The following DDX23 variants were observed in gnomAD, a reference collection of about 807,000 sequenced individuals.
DDX23 encodes the protein DEAD-box helicase 23.
DDX23 carries 33 observed loss-of-function variants against 102.7 expected under a neutral mutation model. The observed-to-expected ratio is 0.32, with a 90% CI of 0.24 to 0.43. The LOEUF is 0.43. DDX23 is among the 20% of genes least tolerant of loss of function. The pLI, the probability that DDX23 is intolerant of heterozygous loss-of-function variation, is 1.00. For synonymous variants in DDX23, 352 were observed against 376.0 expected (o/e 0.94, Z 0.74); for missense variants, 549 against 1,086.6 (o/e 0.51, Z 6.96).
intron 11 of DDX23, 99 bp from the exon 12 acceptor site, chr12:48,834,596 A>G: frequency 8.9e-7 from 1 of 1,119,332 alleles, no homozygotes; most frequent in South Asian, 1.5e-5. Flanking sequence ...AGCAATGGGA[A>G]TGGGGAGGAT....
intron 3 of DDX23, among the ~76,000 whole-genome samples, chr12:48,842,839 G>T (rs1453955346): frequency 2.6e-5 from 4 of 152,250 alleles, no homozygotes; most frequent in Non-Finnish European, 5.9e-5. Context: ...GACAGTGGCG[G>T]TTTTGTGGAA....
In DDX23 at chr12:48,836,558, T is replaced by A; in HGVS notation, c.1236+11A>T. ...ATGTCAGATCTCTTGGGCCAATCTA[T>A]CCCTCCTTACCTTGTAGCCACACTT... On this transcript the variant is annotated intron_variant, in intron 10 of 16. Transcript: ENST00000308025. The surrounding 1 kb of genome is among the most constrained non-coding windows in gnomAD (Gnocchi z 6.1). 1.2e-6 allele frequency: 2 copies of A among 1,610,822 alleles called. No individual in the cohort carries two copies. Among genetic ancestry groups the A allele is most frequent in the Non-Finnish European group, 1.7e-6 (2 of 1,178,322 alleles).
At position 48,837,018 on chromosome 12, in the gene DDX23, C is replaced by T. The variant is rs778222237; in HGVS notation, c.886G>A (p.Val296Met). 2 of 1,613,884 alleles carry T rather than the reference C, an allele frequency of 1.2e-6. No homozygotes were observed. The highest frequency in any genetic ancestry group is 1.7e-5 in the Admixed American group (1 of 59,988). ...ATGAAGCCTCGCCCTAACAACTGCA[C>T]CTGGTGCCGTTCTTTGTACCTGGGA... The part of the protein sequence containing the change: ...YNPLYKERHQ[V>M]QLLGRGFIAG... The change falls in exon 9 of 17, where the codon GTG becomes ATG. Residue 296 changes from valine (V) to methionine (M), a missense_variant. By Grantham distance (21) the Val-to-Met change is conservative. Transcript: ENST00000308025.
Position 48,836,092 on chromosome 12 carries a change from C to A in DDX23, c.1382+29G>T. 1 of 1,606,892 alleles carries A rather than the reference C, an allele frequency of 6.2e-7. No individual in the cohort carries two copies. Among genetic ancestry groups the A allele is most frequent in the South Asian group, 1.1e-5 (1 of 90,830 alleles). On this transcript the variant is annotated intron_variant, in intron 11 of 16. Transcript: ENST00000308025. This position sits in a 1 kb window ranked among gnomAD's most constrained non-coding sequence, Gnocchi z 6.1. ...TTTCACCTTTCCTACCCAGACAAAC[C>A]CACTCCAGCTGGTGCTAGCTGACCT...
In DDX23 at chr12:48,832,019, G is replaced by A; in HGVS notation, c.2064+59C>T. On this transcript the variant is annotated intron_variant, in intron 15 of 16. Transcript: ENST00000308025. The surrounding 1 kb of genome is among the most constrained non-coding windows in gnomAD (Gnocchi z 4.4). ...TGAAAGGAAGAGCCTAGGGGGCCCTGCTAGATTCAGAAAGCAGTGCCACAG... is the reference window on the plus strand; with the variant it reads ...TGAAAGGAAGAGCCTAGGGGGCCCTACTAGATTCAGAAAGCAGTGCCACAG... 6.6e-7 allele frequency: 1 copy of A among 1,518,350 alleles called. No individual in the cohort carries two copies. Among genetic ancestry groups the A allele is most frequent in the Non-Finnish European group, 9.1e-7 (1 of 1,095,062 alleles). The allele number at this position is 1,518,350 out of a possible 1,614,324, so 94.1% of individuals were successfully genotyped here.
At chr12:48,845,379 T>C (rs1387115954) in intron 2 of DDX23, among the ~76,000 whole-genome samples, 195 bp downstream of exon 2, 1 of 152,048 alleles carries the variant, frequency 6.6e-6, no homozygotes, top group Non-Finnish European at 1.5e-5. Context: ...GGCGTGAACC[T>C]GCGAGGCGGA....
At chr12:48,842,574 C>T (rs1938582895) in intron 3 of DDX23, among the ~76,000 whole-genome samples, 1 of 148,958 alleles carries the variant, frequency 6.7e-6, no homozygotes, top group Admixed American at 6.6e-5. Context: ...GCCCGGCCAG[C>T]CGCCCCGTCC....
At chr12:48,845,003 T>C (rs1204058525) in intron 2 of DDX23, among the ~76,000 whole-genome samples, 3 of 151,212 alleles carry the variant, frequency 2.0e-5, no homozygotes, top group Non-Finnish European at 4.4e-5. Context: ...AAGTACAAAA[T>C]TAGCCAGGTG....
At chr12:48,840,425 C>G (rs1392368169) in intron 3 of DDX23, among the ~76,000 whole-genome samples, 1 of 152,104 alleles carries the variant, frequency 6.6e-6, no homozygotes, top group Non-Finnish European at 1.5e-5. Flanking sequence ...AATCCCAGCA[C>G]TTTGGGAGGC....
chr12:48,841,671 C>G (rs1002750590), intron 3 of DDX23, among the ~76,000 whole-genome samples: 7 of 152,226 alleles, frequency 4.6e-5, no homozygotes, highest in African/African-American at 1.4e-4. Context: ...CTGTGTTGGC[C>G]GGGCTGGTCT....
At position 48,837,994 on chromosome 12, in the gene DDX23, T is replaced by C. The variant is rs1450572794; in HGVS notation, c.567A>G (p.Glu189=). 1.9e-6 allele frequency: 3 copies of C among 1,613,956 alleles called. No individual in the cohort carries two copies. The highest frequency in any genetic ancestry group is 2.5e-6 in the Non-Finnish European group (3 of 1,180,028). The change falls in exon 6 of 17, where the codon GAA becomes GAG. Residue 189 remains glutamate (E), a synonymous_variant. Transcript: ENST00000308025. ...QEVEERQRML[E]EERKKRKQFQ... ...ACTGTTTCCTTTTCTTCCTCTCTTC[T>C]TCAAGCATCCTCTGCCGCTCTTCCA...
intron 11 of DDX23, 35 bp from the exon 12 acceptor site, chr12:48,834,532 C>A: frequency 6.3e-7 from 1 of 1,595,430 alleles, no homozygotes; most frequent in Non-Finnish European, 8.5e-7. Context: ...GCTTCGTGAG[C>A]TTTGGTTCTT....
rs771032366 is a variant in DDX23, at chr12:48,845,693, C to G, written c.90G>C (p.Arg30=). 2.4e-5 allele frequency: 38 copies of G among 1,614,138 alleles called. 1 individual carries two copies. In the South Asian group the frequency reaches 4.1e-4, roughly 17 times the overall value. The change falls in exon 2 of 17, where the codon CGG becomes CGC. Residue 30 remains arginine (R), a synonymous_variant. Coordinates refer to ENST00000308025, the MANE Select transcript of DDX23 (RefSeq NM_004818.3). The stretch of plus-strand genomic sequence containing the variant: ...AAGACTTCCGGTCCCGGTCTCTATC[C>G]CGCTCTCTGTCAGGAGTCCGTGATC... The part of the protein sequence containing the change: ...RKRSRTPDRE[R]DRDRDRKSSP...
At position 48,836,026 on chromosome 12, in the gene DDX23, G is replaced by A. The variant is rs1295916215; in HGVS notation, c.1382+95C>T. The A allele has an allele frequency of 1.5e-5, 21 of 1,357,594 alleles. No individual in the cohort carries two copies. Among genetic ancestry groups the A allele is most frequent in the Middle Eastern group, 2.6e-4 (1 of 3,850 alleles). 84.1% of individuals were successfully genotyped at this position (1,357,594 alleles called of 1,614,324 possible). On this transcript the variant is annotated intron_variant, in intron 11 of 16. Coordinates refer to ENST00000308025, the MANE Select transcript of DDX23 (RefSeq NM_004818.3). This position sits in a 1 kb window ranked among gnomAD's most constrained non-coding sequence, Gnocchi z 6.1. The stretch of plus-strand genomic sequence containing the variant: ...ACAAAGAATAAAGAAGAAAGCTTCT[G>A]ATTATAGACGTAAAACAAAAATCAA...
rs1056357232 is a variant in DDX23, at chr12:48,829,912, T to C, written c.*557A>G. On this transcript the variant is annotated 3_prime_UTR_variant, in exon 17 of 17. Transcript: ENST00000308025. ...AAAATCCCCTGGGGGAGGGGATGCC[T>C]AGAGCATACAGCACCCCTTGGTGCG... is the stretch of plus-strand genomic sequence containing the variant. 29 of 276,256 alleles carry C rather than the reference T, an allele frequency of 1.0e-4. No homozygotes were observed. The highest frequency in any genetic ancestry group is 1.9e-4 in the Non-Finnish European group (27 of 141,238). The allele number at this position is 276,256 out of a possible 1,614,324, so 17.1% of individuals were successfully genotyped here.
chr12:48,835,205 G>A (rs1387290881), intron 11 of DDX23: 2 of 235,436 alleles, frequency 8.5e-6, no homozygotes, highest in African/African-American at 2.3e-5. Flanking sequence ...TCACACCACT[G>A]CACTCCAGCC....
At chr12:48,841,730 C>T (rs539743964) in intron 3 of DDX23, among the ~76,000 whole-genome samples, 150 of 152,362 alleles carry the variant, frequency 9.8e-4, no homozygotes, top group African/African-American at 3.5e-3. Flanking sequence ...CCCGAGGTGC[C>T]GGGATGGCAC....
intron 3 of DDX23, among the ~76,000 whole-genome samples, chr12:48,842,208 C>G (rs1367343154): frequency 6.7e-6 from 1 of 150,348 alleles, no homozygotes; most frequent in South Asian, 2.1e-4. Context: ...CCAGCCGCCC[C>G]GTCCAGGAGG....
chr12:48,848,406 A>G (rs976079988), intron 1 of DDX23, among the ~76,000 whole-genome samples: 1 of 152,268 alleles, frequency 6.6e-6, no homozygotes, highest in African/African-American at 2.4e-5. Flanking sequence ...TGAAGAAAAT[A>G]AAACAGTGAT....
Sources: gnomAD v4.1 joint callset for allele counts (sites outside exome capture counted in the v4.1 genomes callset) on GRCh38, gnomAD v4.1.1 for gene constraint, Gnocchi (gnomAD v3.1) non-coding constraint, MANE v1.5 for transcripts, NCBI Gene and HGNC (gene_info 2026-07-23, HGNC 2026-07-21) for gene names.